Variants in ASIC2 observed in about 807,000 individuals in gnomAD.
The protein encoded by ASIC2 is acid sensing ion channel subunit 2.
A neutral mutation model predicts 57.3 loss-of-function variants in ASIC2; 25 were observed. The observed-to-expected ratio is 0.44, with a 90% CI of 0.32 to 0.61. The LOEUF is 0.61. Ranked by LOEUF, ASIC2 falls within the 20% of genes least tolerant of loss-of-function variation. The pLI is 0.06. For missense variants in ASIC2, 641 were observed against 738.1 expected (o/e 0.87, Z 1.52); for synonymous variants, 319 against 307.5 (o/e 1.04, Z -0.39).
At chr17:33,209,092 G>T (rs1313823547) in intron 1 of ASIC2, among the ~76,000 whole-genome samples, 2 of 152,138 alleles carry the variant, frequency 1.3e-5, no homozygotes, top group African/African-American at 4.8e-5. Flanking sequence ...ACTCTTAGAG[G>T]TAGAAGAGCC....
chr17:33,834,378 T>C (rs1183969713), intron 1 of ASIC2: 2 of 152,222 alleles, frequency 1.3e-5, no homozygotes, highest in Non-Finnish European at 2.9e-5. Flanking sequence ...TTTAGATGAG[T>C]CTTCTTCCAT....
chr17:34,034,693 T>C (rs1423197882), intron 1 of ASIC2, among the ~76,000 whole-genome samples: 1 of 152,084 alleles, frequency 6.6e-6, no homozygotes, highest in Non-Finnish European at 1.5e-5. Context: ...TGTACAAAAG[T>C]CACAAGCATT....
chr17:33,736,656 G>C (rs957091346), intron 1 of ASIC2, among the ~76,000 whole-genome samples: 1 of 151,976 alleles, frequency 6.6e-6, no homozygotes, highest in East Asian at 1.9e-4. Context: ...AAATAATGGA[G>C]AATTATATAA....
chr17:33,171,627 A>G (rs1211226855), intron 1 of ASIC2, among the ~76,000 whole-genome samples: 4 of 152,198 alleles, frequency 2.6e-5, no homozygotes, highest in African/African-American at 9.7e-5. Flanking sequence ...GCCTACCTCC[A>G]ATGTGTTCTC....
At chr17:33,426,940 C>G (rs1258772286) in intron 1 of ASIC2, among the ~76,000 whole-genome samples, 2 of 152,178 alleles carry the variant, frequency 1.3e-5, no homozygotes, top group African/African-American at 4.8e-5. Flanking sequence ...TAGCTGATAC[C>G]TGAAGGGTAA....
intron 2 of ASIC2, among the ~76,000 whole-genome samples, chr17:33,097,008 A>G (rs2092183252): frequency 6.6e-6 from 1 of 152,222 alleles, no homozygotes; most frequent in South Asian, 2.1e-4. Flanking sequence ...TTTTACAGAC[A>G]GGGAAACAGG....
upstream of ASIC2, among the ~76,000 whole-genome samples, chr17:33,295,552 C>T (rs532457973): frequency 5.3e-5 from 8 of 152,212 alleles, no homozygotes; most frequent in East Asian, 1.5e-3. Context: ...TCCTATGATC[C>T]CAGCATACCT....
chr17:33,791,301 G>GT, intron 1 of ASIC2, among the ~76,000 whole-genome samples: 1 of 152,324 alleles, frequency 6.6e-6, no homozygotes, highest in Middle Eastern at 3.4e-3. Flanking sequence ...AGATCGGCTA[G>GT]TTCATCTGCC....
chr17:33,508,167 C>T (rs879403168), intron 1 of ASIC2, among the ~76,000 whole-genome samples: 6 of 151,990 alleles, frequency 3.9e-5, no homozygotes, highest in Non-Finnish European at 7.4e-5. Context: ...GTCCTCTTCC[C>T]TCCATGCCCC....
chr17:33,488,165 A>C (rs1183498373), intron 1 of ASIC2, among the ~76,000 whole-genome samples: 2 of 152,172 alleles, frequency 1.3e-5, no homozygotes, highest in African/African-American at 4.8e-5. Flanking sequence ...GTATCAGTTT[A>C]CCAAGTGAGA....
chr17:33,289,044 A>T (rs530504612), intron 1 of ASIC2, among the ~76,000 whole-genome samples: 1 of 152,310 alleles, frequency 6.6e-6, no homozygotes, highest in Non-Finnish European at 1.5e-5. Flanking sequence ...GCTTCTACAG[A>T]CAGAGGGGTG....
intron 1 of ASIC2, among the ~76,000 whole-genome samples, chr17:33,605,288 G>A (rs763740203): frequency 3.9e-5 from 6 of 152,232 alleles, no homozygotes; most frequent in African/African-American, 9.6e-5. Context: ...AGGAAGACCC[G>A]TCTCATCTCT....
intron 1 of ASIC2, among the ~76,000 whole-genome samples, chr17:33,467,502 C>T (rs1332272690): frequency 6.6e-6 from 1 of 152,056 alleles, no homozygotes; most frequent in Non-Finnish European, 1.5e-5. Flanking sequence ...GTAGGAGAGG[C>T]CTCATTATAC....
intron 1 of ASIC2, among the ~76,000 whole-genome samples, chr17:33,604,412 G>T (rs1905177594): frequency 6.6e-6 from 1 of 152,156 alleles, no homozygotes; most frequent in Non-Finnish European, 1.5e-5. Flanking sequence ...TGTAAGCTTT[G>T]CCCACGTTTA....
chr17:33,389,434 T>C (rs1909812168), intron 1 of ASIC2, among the ~76,000 whole-genome samples: 1 of 152,192 alleles, frequency 6.6e-6, no homozygotes, highest in Non-Finnish European at 1.5e-5. Flanking sequence ...TACAAATGAA[T>C]ACTACAGGGA....
At position 33,815,000 on chromosome 17, in the gene ASIC2, G is replaced by C. The variant is rs547788742; in HGVS notation, c.555+340978C>G. The stretch of plus-strand genomic sequence containing the variant: ...TCTGAGGTGAGCCTTGTTGGTATTT[G>C]TTGGACTGTGTGTGGGTATGGGGAC... On this transcript the variant is annotated intron_variant, in intron 1 of 9. Transcript: ENST00000359872. 2.6e-5 allele frequency among the ~76,000 whole-genome samples: 4 copies of C among 152,312 alleles called. No homozygotes were observed. The South Asian group carries it at 8.3e-4, about 32-fold the overall frequency.
chr17:33,557,681 T>G (rs1597783791), intron 1 of ASIC2, among the ~76,000 whole-genome samples: 2 of 152,350 alleles, frequency 1.3e-5, no homozygotes, highest in East Asian at 3.9e-4. Flanking sequence ...GTTTGCCGTC[T>G]GACTATATGA....
intron 1 of ASIC2, among the ~76,000 whole-genome samples, chr17:33,768,133 C>G (rs190695065): frequency 3.2e-3 from 490 of 152,206 alleles, no homozygotes; most frequent in African/African-American, 0.011. Context: ...CTCAGCCTCC[C>G]CAGCAGCTGG....
intron 1 of ASIC2, among the ~76,000 whole-genome samples, chr17:33,350,172 C>T (rs771542014): frequency 1.3e-5 from 2 of 152,170 alleles, no homozygotes; most frequent in Non-Finnish European, 2.9e-5. Flanking sequence ...GACTGAGGTG[C>T]TATGCCCCAA....
Sources: allele counts gnomAD v4.1 joint callset (sites outside exome capture counted in the v4.1 genomes callset), GRCh38; gene constraint gnomAD v4.1.1; transcripts MANE v1.5; gene names NCBI Gene and HGNC (gene_info 2026-07-23, HGNC 2026-07-21).